Variants in NCKAP5 observed in about 807,000 individuals in gnomAD.
The protein encoded by NCKAP5 is nck-associated protein 5.
In NCKAP5, 92 loss-of-function variants were observed where a neutral mutation model predicts 167.0. That is an observed-to-expected ratio of 0.55 (90% CI 0.47 to 0.66). The LOEUF is 0.66. Among genes scored for constraint, NCKAP5 ranks in the 30% least tolerant of loss-of-function variants. NCKAP5 has a pLI of 0.00. For missense variants in NCKAP5, 2,378 were observed against 2,315.0 expected, an observed-to-expected ratio of 1.03 and a Z score of -0.56; for synonymous variants, 891 against 877.4, an observed-to-expected ratio of 1.02 and a Z score of -0.27.
chr2:133,183,568 C>A (rs2084822369), intron 5 of NCKAP5, among the ~76,000 whole-genome samples: 1 of 112,916 alleles, frequency 8.9e-6, no homozygotes, highest in Non-Finnish European at 1.8e-5. Flanking sequence ...GGGGAACTTC[C>A]TCAGTTAAAA....
the NCKAP5 span, among the ~76,000 whole-genome samples, chr2:133,587,781 C>A: frequency 6.6e-6 from 1 of 152,208 alleles, no homozygotes; most frequent in Non-Finnish European, 1.5e-5. Flanking sequence ...CCTTTCCTCC[C>A]TGCTGTAACA....
chr2:132,979,380 C>T (rs1383528206), intron 7 of NCKAP5, among the ~76,000 whole-genome samples: 1 of 152,104 alleles, frequency 6.6e-6, no homozygotes. Context: ...TCTCACCCAC[C>T]CAGTCCAGTC....
intron 3 of NCKAP5, among the ~76,000 whole-genome samples, chr2:133,378,626 C>T (rs1190240347): frequency 6.6e-6 from 1 of 152,146 alleles, no homozygotes; most frequent in African/African-American, 2.4e-5. Context: ...ATCCCACAGC[C>T]AGGGAAAGGG....
At position 132,790,151 on chromosome 2, in the gene NCKAP5, T is replaced by C. The variant is rs547904183; in HGVS notation, c.964A>G (p.Ile322Val). ...TTTCGAGGACAGAGATGACCAGGGA[T>C]GACAGCCCCCAAGCCAGGGCATTTC... ...ALKCPGLGAV[I>V]PGHLCPRNSY... Residue 322 changes from isoleucine to valine, a missense_variant, in exon 13 of 20, where the codon ATC (isoleucine) becomes GTC (valine). This residue lies in a region of NCKAP5 where 1,049 missense variants were observed against 1,023.4 expected (regional missense o/e 1.02). Transcript: ENST00000409261. 2 of 1,613,720 alleles carry C rather than the reference T, an allele frequency of 1.2e-6. No homozygotes were observed. Among genetic ancestry groups the C allele is most frequent in the African/African-American group, 2.7e-5 (2 of 75,036 alleles).
chr2:132,710,869 A>G (rs1688770783), intron 19 of NCKAP5, among the ~76,000 whole-genome samples: 1 of 151,870 alleles, frequency 6.6e-6, no homozygotes. Flanking sequence ...ATGGCACTGA[A>G]GTGACAATTT....
intron 11 of NCKAP5, among the ~76,000 whole-genome samples, chr2:132,840,359 T>G (rs189387734): frequency 6.7e-6 from 1 of 149,158 alleles, no homozygotes; most frequent in Admixed American, 6.8e-5. Flanking sequence ...CACTGCAACC[T>G]CCACCTCCCG....
intron 3 of NCKAP5, among the ~76,000 whole-genome samples, chr2:133,450,449 G>T (rs778895255): frequency 6.6e-6 from 1 of 152,122 alleles, no homozygotes; most frequent in African/African-American, 2.4e-5. Flanking sequence ...GTAACATTAC[G>T]TTTTTAAAAG....
At chr2:133,367,149 A>G (rs571976067) in intron 3 of NCKAP5, among the ~76,000 whole-genome samples, 1 of 152,342 alleles carries the variant, frequency 6.6e-6, no homozygotes, top group African/African-American at 2.4e-5. Context: ...AGAAACATCA[A>G]CAACAAAACC....
intron 11 of NCKAP5, among the ~76,000 whole-genome samples, chr2:132,843,425 A>C (rs115688504): frequency 0.029 from 4,343 of 151,914 alleles, 198 homozygotes; most frequent in African/African-American, 0.1. Flanking sequence ...ATGACTTGTA[A>C]ATTTTTTTTA....
chr2:132,804,695 C>G (rs1297258720), intron 11 of NCKAP5, among the ~76,000 whole-genome samples: 3 of 152,126 alleles, frequency 2.0e-5, no homozygotes, highest in Non-Finnish European at 4.4e-5. Flanking sequence ...AAGAGACACT[C>G]TGTGAAGTCC....
chr2:132,926,658 G>A (rs1356850626), intron 8 of NCKAP5, among the ~76,000 whole-genome samples: 1 of 151,626 alleles, frequency 6.6e-6, no homozygotes, highest in African/African-American at 2.4e-5. Context: ...ATTGCTTTTG[G>A]CCATTTGTAT....
At chr2:133,310,360 C>A (rs1294659343) in intron 3 of NCKAP5, among the ~76,000 whole-genome samples, 1 of 152,156 alleles carries the variant, frequency 6.6e-6, no homozygotes, top group Non-Finnish European at 1.5e-5. Context: ...TTCCTCTTTC[C>A]CATTGCCTCC....
chr2:132,961,676 AG>A (rs1369480103), intron 8 of NCKAP5, among the ~76,000 whole-genome samples: 3 of 152,222 alleles, frequency 2.0e-5, no homozygotes, highest in African/African-American at 7.2e-5. Flanking sequence ...TACTCACTAC[AG>A]TTTAAGAAAC....
chr2:133,074,955 A>C (rs1036754538), intron 6 of NCKAP5, among the ~76,000 whole-genome samples: 1 of 152,152 alleles, frequency 6.6e-6, no homozygotes, highest in Non-Finnish European at 1.5e-5. Context: ...ATACCTTCCA[A>C]ATTTAACAAA....
At chr2:133,557,075 G>C (rs140744530) in intron 2 of NCKAP5, among the ~76,000 whole-genome samples, 175 of 152,256 alleles carry the variant, frequency 1.1e-3, no homozygotes, top group African/African-American at 3.9e-3. Context: ...CACATGCCTA[G>C]CAATGGAGAG....
chr2:132,701,461 C>T (rs2105244730), intron 19 of NCKAP5, among the ~76,000 whole-genome samples: 1 of 152,304 alleles, frequency 6.6e-6, no homozygotes, highest in African/African-American at 2.4e-5. Flanking sequence ...TAGCCAGGTT[C>T]TCATAGCTAA....
chr2:133,287,283 A>T (rs1244328773), intron 4 of NCKAP5, among the ~76,000 whole-genome samples: 1 of 152,186 alleles, frequency 6.6e-6, no homozygotes, highest in African/African-American at 2.4e-5. Flanking sequence ...TTTGGATTGT[A>T]GTGTCTGTAA....
the NCKAP5 span, among the ~76,000 whole-genome samples, chr2:133,624,136 G>A: frequency 2.6e-5 from 4 of 152,112 alleles, no homozygotes; most frequent in African/African-American, 9.6e-5. Context: ...TGGGGAAAAG[G>A]GTGGGGGATG....
rs200658748 is a variant in NCKAP5, at chr2:132,785,051, G to C, written c.1760C>G (p.Thr587Arg). The change falls in exon 14 of 20, where the codon ACG becomes AGG. Residue 587 changes from threonine (T) to arginine (R), a missense_variant. Physicochemically the swap from Thr to Arg is moderately conservative, Grantham distance 71. Around this residue, in one of 3 missense-constraint regions of NCKAP5, gnomAD observed 1,049 missense variants for 1,023.4 expected, o/e 1.02. Coordinates refer to ENST00000409261, the MANE Select transcript of NCKAP5 (RefSeq NM_207363.3). ...GCTCTCTATGTGCAGCTCATCAAACGTTTCATTGTCATCAGTGTCTGAAAG... is the reference window on the plus strand; with the variant it reads ...GCTCTCTATGTGCAGCTCATCAAACCTTTCATTGTCATCAGTGTCTGAAAG... ...LQLSDTDDNE[T>R]FDELHIESSD... 2.7e-5 allele frequency: 43 copies of C among 1,613,912 alleles called. No individual in the cohort carries two copies. Among genetic ancestry groups the C allele is most frequent in the Non-Finnish European group, 3.6e-5 (43 of 1,179,902 alleles).
Sources: gnomAD v4.1 joint callset for allele counts (sites outside exome capture counted in the v4.1 genomes callset) on GRCh38, gnomAD v4.1.1 for gene constraint, gnomAD v4.1.1 regional missense constraint, MANE v1.5 for transcripts, NCBI Gene and HGNC (gene_info 2026-07-23, HGNC 2026-07-21) for gene names.